BRD10: variants seen among roughly 807,000 people sequenced by gnomAD.
BRD10 encodes the protein bromodomain containing 10.
At chr9:5,978,658 T>C in the BRD10 span, among the ~76,000 whole-genome samples, 1 of 151,966 alleles carries the variant, frequency 6.6e-6, no homozygotes, top group Non-Finnish European at 1.5e-5. Flanking sequence ...CTGTCAAGAG[T>C]CAGAGAGCCA....
At chr9:5,935,650 G>A in the BRD10 span, among the ~76,000 whole-genome samples, 2 of 152,172 alleles carry the variant, frequency 1.3e-5, no homozygotes, top group Admixed American at 6.5e-5. Flanking sequence ...ACAATTCACA[G>A]CACAATCTAA....
At chr9:5,919,934 G>C in the BRD10 span, 1 of 1,613,970 alleles carries the variant, frequency 6.2e-7, no homozygotes, top group Non-Finnish European at 8.5e-7. Flanking sequence ...GCAAATGGCA[G>C]AAACCAAAGA....
the BRD10 span, among the ~76,000 whole-genome samples, chr9:5,931,083 T>C: frequency 6.6e-6 from 1 of 152,210 alleles, no homozygotes; most frequent in African/African-American, 2.4e-5. Context: ...CAGAATTAAC[T>C]GGAAAACTGT....
At chr9:5,880,034 T>C in the BRD10 span, among the ~76,000 whole-genome samples, 1 of 151,480 alleles carries the variant, frequency 6.6e-6, no homozygotes, top group Non-Finnish European at 1.5e-5. Flanking sequence ...ATTCTCCAAC[T>C]TCAACCTCCC....
chr9:6,008,442 CAAAG>C, the BRD10 span, among the ~76,000 whole-genome samples: 15 of 151,810 alleles, frequency 9.9e-5, no homozygotes, highest in Non-Finnish European at 2.1e-4. Context: ...TGGAGAGAAG[CAAAG>C]AAAGAGGCCC....
At chr9:5,887,709 CTTCCCAATT>C in the BRD10 span, among the ~76,000 whole-genome samples, 1 of 152,192 alleles carries the variant, frequency 6.6e-6, no homozygotes, top group African/African-American at 2.4e-5. Flanking sequence ...GGCTTATATC[CTTCCCAATT>C]TTTGCACAAA....
At chr9:5,906,885 G>T in the BRD10 span, 1 of 1,566,820 alleles carries the variant, frequency 6.4e-7, no homozygotes, top group Non-Finnish European at 8.6e-7. Context: ...TACATTTCAG[G>T]ATAAAAGTCT....
the BRD10 span, among the ~76,000 whole-genome samples, chr9:5,976,212 G>C: frequency 6.6e-6 from 1 of 151,908 alleles, no homozygotes; most frequent in African/African-American, 2.4e-5. Context: ...AAATAAGTCT[G>C]AAATCAATTT....
the BRD10 span, among the ~76,000 whole-genome samples, chr9:5,940,996 C>T: frequency 3.5e-3 from 533 of 152,126 alleles, 6 homozygotes; most frequent in African/African-American, 0.012. Flanking sequence ...AAAATTTTCA[C>T]TTTTCCTCAT....
the BRD10 span, among the ~76,000 whole-genome samples, chr9:5,981,407 A>C: frequency 1.3e-5 from 2 of 152,302 alleles, no homozygotes; most frequent in Non-Finnish European, 2.9e-5. Flanking sequence ...TTGAAAATAA[A>C]CCCTCTTTGA....
At chr9:5,946,424 A>G in the BRD10 span, among the ~76,000 whole-genome samples, 1 of 152,136 alleles carries the variant, frequency 6.6e-6, no homozygotes, top group African/African-American at 2.4e-5. Flanking sequence ...CTTATGAAAG[A>G]AATGCTGATG....
At chr9:5,977,743 G>A in the BRD10 span, among the ~76,000 whole-genome samples, 5 of 152,254 alleles carry the variant, frequency 3.3e-5, no homozygotes, top group East Asian at 3.9e-4. Context: ...GCTGAGGCAC[G>A]AGAATGGTGT....
At chr9:5,900,172 T>C in the BRD10 span, among the ~76,000 whole-genome samples, 1 of 152,212 alleles carries the variant, frequency 6.6e-6, no homozygotes, top group Non-Finnish European at 1.5e-5. Context: ...GCTCTCATCT[T>C]AAATTCATTT....
the BRD10 span, chr9:5,921,575 A>T: frequency 6.2e-7 from 1 of 1,613,994 alleles, no homozygotes; most frequent in Admixed American, 1.7e-5. Flanking sequence ...TGATACCAGC[A>T]TAAGTTTCTG....
the BRD10 span, chr9:5,909,882 G>A: frequency 1.3e-5 from 2 of 152,134 alleles, no homozygotes; most frequent in African/African-American, 2.4e-5. Flanking sequence ...CTACATCAAC[G>A]TATCACCTAC....
the BRD10 span, among the ~76,000 whole-genome samples, chr9:5,926,785 C>T: frequency 2.0e-5 from 3 of 152,056 alleles, no homozygotes; most frequent in Non-Finnish European, 4.4e-5. Flanking sequence ...CCTGCCTCGG[C>T]CTCCCAAAGT....
chr9:5,906,358 G>GA, the BRD10 span, among the ~76,000 whole-genome samples: 4 of 148,106 alleles, frequency 2.7e-5, no homozygotes, highest in African/African-American at 5.1e-5. Flanking sequence ...GAAAAGAAAA[G>GA]AAAAAAAAAG....
At chr9:5,939,382 A>G in the BRD10 span, among the ~76,000 whole-genome samples, 1 of 152,206 alleles carries the variant, frequency 6.6e-6, no homozygotes, top group Non-Finnish European at 1.5e-5. Context: ...AACATATCAC[A>G]TCATATTTCT....
the BRD10 span, chr9:5,906,861 C>A: frequency 6.9e-7 from 1 of 1,442,624 alleles, no homozygotes; most frequent in South Asian, 1.3e-5. Context: ...CTCACCCACT[C>A]ACCTTTATCA....
Sources: allele counts gnomAD v4.1 joint callset (sites outside exome capture counted in the v4.1 genomes callset), GRCh38; gene constraint gnomAD v4.1.1; transcripts MANE v1.5; gene names NCBI Gene and HGNC (gene_info 2026-07-23, HGNC 2026-07-21).